TLR3: variants seen among roughly 807,000 people sequenced by gnomAD.
The protein encoded by TLR3 is toll like receptor 3, also known as toll-like receptor 3.
In TLR3, 43 loss-of-function variants were observed where a neutral mutation model predicts 66.4. The ratio of observed to expected loss-of-function variants is 0.65; its 90% CI spans 0.51 to 0.83. TLR3 has a LOEUF of 0.83. TLR3 is among the 40% of genes least tolerant of loss of function. TLR3 has a pLI of 0.00. For synonymous variants in TLR3, 397 were observed against 397.2 expected, an observed-to-expected ratio of 1.00 and a Z score of 0.01; for missense variants, 982 against 1,044.6, an observed-to-expected ratio of 0.94 and a Z score of 0.83.
Position 186,083,318 on chromosome 4 carries a change from G to A in TLR3, c.1632G>A (p.Arg544=). Residue 544 remains arginine (R), a synonymous_variant, in exon 4 of 5, where the codon CGG becomes CGA. Coordinates refer to ENST00000296795, the MANE Select transcript of TLR3 (RefSeq NM_003265.3). This position sits in a 1 kb window ranked among gnomAD's most constrained non-coding sequence, Gnocchi z 4.0. ...ATTTGCAGCATAACAACTTAGCACG[G>A]CTCTGGAAACACGCAAACCCTGGTG... ...ILDLQHNNLA[R]LWKHANPGGP... 1 of 1,614,162 alleles carries A rather than the reference G, an allele frequency of 6.2e-7. No homozygotes were observed. The highest frequency in any genetic ancestry group is 8.5e-7 in the Non-Finnish European group (1 of 1,180,038).
chr4:186,071,422 G>T (rs1243900614), intron 1 of TLR3, among the ~76,000 whole-genome samples: 1 of 152,222 alleles, frequency 6.6e-6, no homozygotes, highest in Non-Finnish European at 1.5e-5. Flanking sequence ...GAGATAGGAA[G>T]TTCTGAAGGA....
At chr4:186,080,138 C>T (rs7668666) in intron 3 of TLR3, among the ~76,000 whole-genome samples, 2 of 151,962 alleles carry the variant, frequency 1.3e-5, no homozygotes, top group Non-Finnish European at 1.5e-5. Context: ...ATTTTACACT[C>T]ATTTTGTTCC....
chr4:186,078,857 T>C lies in TLR3; in HGVS notation c.459T>C (p.Asp153=), dbSNP rs1168615374. 1.2e-6 allele frequency: 2 copies of C among 1,614,016 alleles called. No homozygotes were observed. The highest frequency in any genetic ancestry group is 2.7e-5 in the African/African-American group (2 of 75,050). ...CCCTTCAGAATTTAATCACATTAGA[T>C]CTGTCTCATAATGGCTTGTCATCTA... The part of the protein sequence containing the change: ...FVKQKNLITL[D]LSHNGLSSTK... Residue 153 remains aspartate, a synonymous_variant, in exon 3 of 5, where the codon GAT becomes GAC. Transcript: ENST00000296795.
In TLR3 at chr4:186,087,931, C is replaced by A. The variant is rs1296780118; in HGVS notation, c.*3058C>A. The A allele has an allele frequency of 6.6e-6, 1 of 152,014 alleles. No individual in the cohort carries two copies. The highest frequency in any genetic ancestry group is 1.5e-5 in the Non-Finnish European group (1 of 68,010). 9.4% of individuals were successfully genotyped at this position (152,014 alleles called of 1,614,324 possible). On this transcript the variant is annotated 3_prime_UTR_variant, in exon 5 of 5. Transcript: ENST00000296795. ...ACCTTTTTTGGGTGATGAAAGTGCT[C>A]TATAATTGGGTTATGGTAATAATTG...
In TLR3 at chr4:186,082,341, G is replaced by A. The variant is rs192016427; in HGVS notation, c.655G>A (p.Ala219Thr). The change falls in exon 4 of 5, where the codon GCA becomes ACA. Residue 219 changes from alanine to threonine, a missense_variant. By Grantham distance (58) the Ala-to-Thr change is moderately conservative. Transcript: ENST00000296795. ...TTAGTTTTCTCCAGGGTGTTTTCAC[G>A]CAATTGGAAGATTATTTGGCCTCTT... Reference protein sequence around the residue: ...IKEFSPGCFHAIGRLFGLFLN... With the variant: ...IKEFSPGCFHTIGRLFGLFLN... 3.5e-5 allele frequency: 56 copies of A among 1,602,432 alleles called. No individual in the cohort carries two copies. The highest frequency in any genetic ancestry group is 6.8e-5 in the East Asian group (3 of 43,830).
intron 2 of TLR3, 71 bp from the exon 3 acceptor site, chr4:186,078,769 T>C (rs2099302892): frequency 5.4e-6 from 7 of 1,287,394 alleles, no homozygotes; most frequent in African/African-American, 2.9e-5. Flanking sequence ...ATTTTTCAGA[T>C]GTACTTACAT....
intron 2 of TLR3, among the ~76,000 whole-genome samples, chr4:186,077,395 G>A (rs558339077): frequency 2.6e-5 from 4 of 152,248 alleles, no homozygotes; most frequent in Admixed American, 2.0e-4. Flanking sequence ...ATGTGAAGTC[G>A]TGACAAAAGT....
chr4:186,074,167 G>C (rs2099302012), intron 1 of TLR3, among the ~76,000 whole-genome samples: 1 of 152,176 alleles, frequency 6.6e-6, no homozygotes, highest in Non-Finnish European at 1.5e-5. Flanking sequence ...TCCAATCCTA[G>C]TTATTTACCC....
rs1214597828 is a variant in TLR3, at chr4:186,087,325, T to C, written c.*2452T>C. 1.3e-5 allele frequency: 2 copies of C among 152,182 alleles called. No homozygotes were observed. The highest frequency in any genetic ancestry group is 3.8e-4 in the East Asian group (2 of 5,196). The allele number at this position is 152,182 out of a possible 1,614,324, so 9.4% of individuals were successfully genotyped here. On this transcript the variant is annotated 3_prime_UTR_variant, in exon 5 of 5. Transcript: ENST00000296795. ...AATAGTAAAAGGTGTAAACTCTGACTCCTATCTGACCTAGGTAGGAAGTAA... is the reference window on the plus strand; with the variant it reads ...AATAGTAAAAGGTGTAAACTCTGACCCCTATCTGACCTAGGTAGGAAGTAA...
intron 1 of TLR3, among the ~76,000 whole-genome samples, chr4:186,075,497 G>A (rs376868084): frequency 9.9e-5 from 15 of 152,172 alleles, no homozygotes; most frequent in East Asian, 3.9e-4. Context: ...GCCGGGTGTG[G>A]TACATGCCTG....
rs144019953 is a variant in TLR3 at position 186,083,697 on chromosome 4, C to T, written c.2011C>T (p.Leu671=). The T allele has an allele frequency of 3.3e-4, 536 of 1,602,366 alleles. No homozygotes were observed. The highest frequency in any genetic ancestry group is 4.1e-4 in the Non-Finnish European group (485 of 1,174,058). The change falls in exon 4 of 5, where the codon CTG becomes TTG. Residue 671 remains leucine (L), a synonymous_variant. Coordinates refer to ENST00000296795, the MANE Select transcript of TLR3 (RefSeq NM_003265.3). The surrounding 1 kb of genome is among the most constrained non-coding windows in gnomAD (Gnocchi z 4.0). ...INETHTNIPE[L]SSHYLCNTPP... ...CGAGACCCATACCAACATCCCTGAG[C>T]TGTCAAGCCACTACCTTTGCAACAC...
Position 186,086,961 on chromosome 4 carries a change from G to A in TLR3, c.*2088G>A, listed in dbSNP as rs979124079. 6.6e-6 allele frequency: 1 copy of A among 152,148 alleles called. No individual in the cohort carries two copies. Among genetic ancestry groups the A allele is most frequent in the Non-Finnish European group, 1.5e-5 (1 of 68,036 alleles). The allele number at this position is 152,148 out of a possible 1,614,324, so 9.4% of individuals were successfully genotyped here. Reference sequence around the variant, plus strand: ...CAAAAGCCGGGTTACAGGATTTTCTGGGGTTTAAATACTCTCTAGAGGTTT... The same window carrying A: ...CAAAAGCCGGGTTACAGGATTTTCTAGGGTTTAAATACTCTCTAGAGGTTT... On this transcript the variant is annotated 3_prime_UTR_variant, in exon 5 of 5. Coordinates refer to ENST00000296795, the MANE Select transcript of TLR3 (RefSeq NM_003265.3).
In TLR3 at chr4:186,083,383, T is replaced by A. The variant is rs1189062946; in HGVS notation, c.1697T>A (p.Ile566Asn). 5 of 1,614,160 alleles carry A rather than the reference T, an allele frequency of 3.1e-6. No homozygotes were observed. The highest frequency in any genetic ancestry group is 4.2e-6 in the Non-Finnish European group (5 of 1,180,028). Residue 566 changes from isoleucine (I) to asparagine (N), a missense_variant, in exon 4 of 5, where the codon ATC (isoleucine) becomes AAC (asparagine). Around this residue, in one of 3 missense-constraint regions of TLR3, gnomAD observed 666 missense variants for 709.0 expected, o/e 0.94. Coordinates refer to ENST00000296795, the MANE Select transcript of TLR3 (RefSeq NM_003265.3). This position sits in a 1 kb window ranked among gnomAD's most constrained non-coding sequence, Gnocchi z 4.0. ...CTAAAGGGTCTGTCTCACCTCCACA[T>A]CCTTAACTTGGAGTCCAACGGCTTT... Reference protein sequence around the residue: ...YFLKGLSHLHILNLESNGFDE... With the variant: ...YFLKGLSHLHNLNLESNGFDE...
At chr4:186,072,631 G>A (rs1236180606) in intron 1 of TLR3, among the ~76,000 whole-genome samples, 3 of 152,004 alleles carry the variant, frequency 2.0e-5, no homozygotes, top group Non-Finnish European at 2.9e-5. Context: ...TTAAACGACC[G>A]AATCTCATAA....
Position 186,079,002 on chromosome 4 carries a change from T to A in TLR3, c.604T>A (p.Leu202Ile), listed in dbSNP as rs2099302944. The change falls in exon 3 of 5, where the codon TTA (leucine) becomes ATA (isoleucine). Residue 202 changes from leucine (L) to isoleucine (I), a missense_variant. Leu to Ile is a conservative substitution (Grantham distance 5). Coordinates refer to ENST00000296795, the MANE Select transcript of TLR3 (RefSeq NM_003265.3). ...DIFANSSLKKLELSSNQIKEF... is the reference protein window; with the variant it reads ...DIFANSSLKKIELSSNQIKEF... ...CTTTGCCAATTCATCTTTAAAAAAA[T>A]TAGAGTTGTCATCGAATCAAATTAA... is the stretch of plus-strand genomic sequence containing the variant. 6.2e-7 allele frequency: 1 copy of A among 1,613,768 alleles called. No individual in the cohort carries two copies. Among genetic ancestry groups the A allele is most frequent in the South Asian group, 1.1e-5 (1 of 90,982 alleles).
intron 3 of TLR3, 192 bp from the exon 4 acceptor site, chr4:186,082,128 G>A: frequency 1.7e-6 from 1 of 597,368 alleles, no homozygotes; most frequent in Non-Finnish European, 2.9e-6. Context: ...GGGAGGCTGA[G>A]GCAGGAGAAT....
At chr4:186,079,087 T>C in intron 3 of TLR3, 56 bp downstream of exon 3, 1 of 1,435,530 alleles carries the variant, frequency 7.0e-7, no homozygotes, top group Non-Finnish European at 9.7e-7. Context: ...ATAGTCCCTA[T>C]CTGTGTCACA....
rs200913433 is a variant in TLR3, at chr4:186,076,865, A to G, written c.246A>G (p.Val82=). The G allele has an allele frequency of 1.9e-6, 3 of 1,614,072 alleles. No homozygotes were observed. Among genetic ancestry groups the G allele is most frequent in the Non-Finnish European group, 2.5e-6 (3 of 1,180,054 alleles). The change falls in exon 2 of 5, where the codon GTA becomes GTG. Residue 82 remains valine (V), a synonymous_variant. Transcript: ENST00000296795. ...TRYSQLTSLD[V]GFNTISKLEP... is the part of the protein sequence containing the mutation. ...ATAGCCAGCTAACTAGCTTGGATGT[A>G]GGATTTAACACCATCTCAAAACTGG...
chr4:186,078,745 T>C, intron 2 of TLR3, 95 bp from the exon 3 acceptor site: 1 of 993,250 alleles, frequency 1.0e-6, no homozygotes, highest in Non-Finnish European at 1.6e-6. Context: ...AGGTGTTGAT[T>C]TTGCTGTTGA....
Sources: allele counts gnomAD v4.1 joint callset (sites outside exome capture counted in the v4.1 genomes callset), GRCh38; gene constraint gnomAD v4.1.1; regional missense constraint gnomAD v4.1.1; non-coding constraint Gnocchi (gnomAD v3.1); transcripts MANE v1.5; gene names NCBI Gene and HGNC (gene_info 2026-07-23, HGNC 2026-07-21).